Variants in RORC observed in about 807,000 individuals in gnomAD.
RORC encodes the protein nuclear receptor ROR-gamma.
A neutral mutation model predicts 64.5 loss-of-function variants in RORC; 13 were observed. The observed-to-expected ratio is 0.20, with a 90% CI of 0.13 to 0.32. The LOEUF (loss-of-function observed/expected upper bound fraction) is 0.32, where lower values mean the gene tolerates loss of function less well. Among genes scored for constraint, RORC ranks in the 10% least tolerant of loss-of-function variants. The pLI is 1.00. For missense variants in RORC, 468 were observed against 669.5 expected (o/e 0.70, Z 3.32); for synonymous variants, 277 against 259.3 (o/e 1.07, Z -0.65).
In RORC at chr1:151,812,975, G is replaced by T; in HGVS notation, c.1257C>A (p.Leu419=). Residue 419 remains leucine, a synonymous_variant, in exon 9 of 11, where the codon CTC becomes CTA. Transcript: ENST00000318247. ...CATTGATGAGAACAAGGGCTGTGTA[G>T]AGGGCAATCTCATCCTCGGAAAAGT... ...ALHFSEDEIA[L]YTALVLINAH... 1 of 1,613,752 alleles carries T rather than the reference G, an allele frequency of 6.2e-7. No homozygotes were observed. The highest frequency in any genetic ancestry group is 8.5e-7 in the Non-Finnish European group (1 of 1,179,640).
chr1:151,830,944 T>C lies in RORC; in HGVS notation c.40+781A>G. The C allele has an allele frequency of 7.8e-7, 1 of 1,289,150 alleles. No individual in the cohort carries two copies. Among genetic ancestry groups the C allele is most frequent in the Non-Finnish European group, 1.0e-6 (1 of 988,728 alleles). The allele number at this position is 1,289,150 out of a possible 1,614,324, so 79.9% of individuals were successfully genotyped here. ...CTTGCTCACCCAGGCAGCCAGTTCT[T>C]CCTCCACCAGGTGGCCCTGGAGCTT... On this transcript the variant is annotated intron_variant, in intron 1 of 10. Transcript: ENST00000318247. The surrounding 1 kb of genome is among the most constrained non-coding windows in gnomAD (Gnocchi z 4.0).
chr1:151,807,977 G>C lies in RORC; in HGVS notation c.1396-344C>G, dbSNP rs1651378367. On this transcript the variant is annotated intron_variant, in intron 10 of 10. Coordinates refer to ENST00000318247, the MANE Select transcript of RORC (RefSeq NM_005060.4). The surrounding 1 kb of genome is among the most constrained non-coding windows in gnomAD (Gnocchi z 5.0). ...TTGTTGTATGCTGTCACATGCCTCT[G>C]CCTTTGTGCATGTTGTTCCCCTCTT... Among the ~76,000 whole-genome samples, 1 of 152,156 alleles carries C rather than the reference G, an allele frequency of 6.6e-6. No homozygotes were observed. The highest frequency in any genetic ancestry group is 1.5e-5 in the Non-Finnish European group (1 of 68,032).
At position 151,821,378 on chromosome 1, in the gene RORC, C is replaced by T. The variant is rs536116380; in HGVS notation, c.71-4098G>A. Among the ~76,000 whole-genome samples the T allele has an allele frequency of 6.6e-5, 10 of 152,308 alleles. No homozygotes were observed. In the South Asian group the frequency reaches 2.1e-3, roughly 32 times the overall value. On this transcript the variant is annotated intron_variant, in intron 2 of 10. Transcript: ENST00000318247. ...GGGTCCTCATCTCCTCCTGGTGCCT[C>T]GTCAATCTAGAGCTGGGCCTTTTCC...
intron 2 of RORC, among the ~76,000 whole-genome samples, chr1:151,827,394 C>G (rs762664445): frequency 6.6e-6 from 1 of 151,386 alleles, no homozygotes; most frequent in Non-Finnish European, 1.5e-5. Context: ...GAGGGGGGTC[C>G]TTCTCAGGGG....
intron 2 of RORC, 69 bp downstream of exon 2, chr1:151,829,348 GTCCCCCCACAGA>G: frequency 1.5e-6 from 2 of 1,355,174 alleles, no homozygotes; most frequent in Non-Finnish European, 2.0e-6. Context: ...TCCAACCTCA[GTCCCCCCACAGA>G]TCACTTGCTG....
chr1:151,820,423 G>C (rs1651944034), intron 2 of RORC, among the ~76,000 whole-genome samples: 1 of 152,098 alleles, frequency 6.6e-6, no homozygotes, highest in African/African-American at 2.4e-5. Context: ...TCAAACTGTT[G>C]CCCTGGAGCC....
Position 151,806,201 on chromosome 1 carries a change from TA to T in RORC, c.*1270del, listed in dbSNP as rs1381596370. 6.5e-6 allele frequency: 1 copy of T among 153,188 alleles called. No individual in the cohort carries two copies. Among genetic ancestry groups the T allele is most frequent in the East Asian group, 1.9e-4 (1 of 5,184 alleles). The allele number at this position is 153,188 out of a possible 1,614,324, so 9.5% of individuals were successfully genotyped here. A position where few individuals can be genotyped will look rare whatever the true frequency, so the allele number is the denominator to read the frequency against. ...CTCCACGACTGCCCATCATTGCTGT[TA>T]ATCCCTCAGGGGAGGGTTCACAGCT... On this transcript the variant is annotated 3_prime_UTR_variant, in exon 11 of 11. Transcript: ENST00000318247.
intron 2 of RORC, among the ~76,000 whole-genome samples, chr1:151,824,144 G>A (rs1407199203): frequency 6.6e-6 from 1 of 152,190 alleles, no homozygotes; most frequent in Non-Finnish European, 1.5e-5. Flanking sequence ...TGCCATCGGC[G>A]GTTGGAGGGG....
Position 151,817,021 on chromosome 1 carries a change from C to T in RORC, c.156+174G>A, listed in dbSNP as rs933114135. ...CAGTGTTGAGGGCCCTGCAGGAAGG[C>T]GCTACTCAGGCATTTTCCTGGCTGC... On this transcript the variant is annotated intron_variant, in intron 3 of 10. Transcript: ENST00000318247. Among the ~76,000 whole-genome samples, 14 of 152,144 alleles carry T rather than the reference C, an allele frequency of 9.2e-5. 1 individual carries two copies. The highest frequency in any genetic ancestry group is 1.8e-4 in the Non-Finnish European group (12 of 68,010).
At chr1:151,822,750 G>A (rs1030386047) in intron 2 of RORC, among the ~76,000 whole-genome samples, 1 of 152,244 alleles carries the variant, frequency 6.6e-6, no homozygotes, top group African/African-American at 2.4e-5. Flanking sequence ...CTGGCCCTGA[G>A]GCCCTGCCTT....
intron 1 of RORC, 22 bp from the exon 2 acceptor site, chr1:151,829,480 T>C (rs763690853): frequency 2.6e-6 from 4 of 1,515,454 alleles, no homozygotes; most frequent in Non-Finnish European, 3.5e-6. Context: ...AGAGAGGGGG[T>C]TGACGTCAAA....
At chr1:151,828,006 C>T (rs964947717) in intron 2 of RORC, among the ~76,000 whole-genome samples, 1 of 151,710 alleles carries the variant, frequency 6.6e-6, no homozygotes, top group African/African-American at 2.4e-5. Context: ...CCTCCCGGGG[C>T]CCTGCTCAGC....
At chr1:151,811,016 G>T (rs1388891958) in intron 10 of RORC, among the ~76,000 whole-genome samples, 2 of 152,180 alleles carry the variant, frequency 1.3e-5, no homozygotes, top group Non-Finnish European at 2.9e-5. Flanking sequence ...CTTGGTGGGG[G>T]CAGCGACCAA....
chr1:151,831,796 C>T lies in RORC; in HGVS notation c.-32G>A. Reference sequence around the variant, plus strand: ...GCTCCCTTGGTGCCGTCCTGGCTGCCCTGGCTGCCCAGGAGGGCAGGGAGC... The same window carrying T: ...GCTCCCTTGGTGCCGTCCTGGCTGCTCTGGCTGCCCAGGAGGGCAGGGAGC... On this transcript the variant is annotated 5_prime_UTR_variant, in exon 1 of 11. Coordinates refer to ENST00000318247, the MANE Select transcript of RORC (RefSeq NM_005060.4). The T allele has an allele frequency of 1.9e-6, 3 of 1,602,882 alleles. No homozygotes were observed. The highest frequency in any genetic ancestry group is 1.1e-5 in the South Asian group (1 of 90,668).
At chr1:151,820,656 C>T (rs1180599122) in intron 2 of RORC, among the ~76,000 whole-genome samples, 1 of 152,208 alleles carries the variant, frequency 6.6e-6, no homozygotes, top group African/African-American at 2.4e-5. Context: ...TCCAATTCCA[C>T]ATCTTCCAAA....
rs1398217102 is a variant in RORC at position 151,830,047 on chromosome 1, A to G, written c.41-589T>C. ...CAGAGTTAAATCTCTGTGGGACTGA[A>G]ATCTCTTGGTTGCTTATCTATGCCT... On this transcript the variant is annotated intron_variant, in intron 1 of 10. Transcript: ENST00000318247. This position sits in a 1 kb window ranked among gnomAD's most constrained non-coding sequence, Gnocchi z 4.0. Among the ~76,000 whole-genome samples the G allele has an allele frequency of 2.0e-5, 3 of 152,188 alleles. No individual in the cohort carries two copies. Among genetic ancestry groups the G allele is most frequent in the Non-Finnish European group, 4.4e-5 (3 of 68,042 alleles).
At chr1:151,815,458 G>A (rs199538258) in intron 4 of RORC, 33 bp from the exon 5 acceptor site, 44 of 1,513,152 alleles carry the variant, frequency 2.9e-5, no homozygotes, top group Non-Finnish European at 3.7e-5. Context: ...GGGTTTATGA[G>A]GCAGGAGAAC....
intron 2 of RORC, among the ~76,000 whole-genome samples, chr1:151,826,696 G>A (rs1324453850): frequency 6.6e-6 from 1 of 152,220 alleles, no homozygotes; most frequent in African/African-American, 2.4e-5. Flanking sequence ...GAGCCAAACT[G>A]CTGAAATTGG....
intron 2 of RORC, among the ~76,000 whole-genome samples, chr1:151,820,688 G>A (rs1190863647): frequency 6.6e-6 from 1 of 152,142 alleles, no homozygotes; most frequent in African/African-American, 2.4e-5. Flanking sequence ...ATGCCCAAAT[G>A]CACCCGCCAG....
Sources: allele counts gnomAD v4.1 joint callset (sites outside exome capture counted in the v4.1 genomes callset), GRCh38; gene constraint gnomAD v4.1.1; non-coding constraint Gnocchi (gnomAD v3.1); transcripts MANE v1.5; gene names NCBI Gene and HGNC (gene_info 2026-07-23, HGNC 2026-07-21).